DRC3: variants seen among roughly 807,000 people sequenced by gnomAD.
DRC3 encodes dynein regulatory complex subunit 3, also known as leucine rich repeat containing 48.
Under a neutral mutation model 57.6 loss-of-function variants are expected in DRC3, and 45 were observed. That is an observed-to-expected ratio of 0.78 (90% confidence interval 0.62 to 1.00). DRC3 has a LOEUF of 1.00. Ranked by LOEUF, DRC3 falls within the 50% of genes least tolerant of loss-of-function variation. DRC3 has a pLI of 0.00. For missense variants in DRC3, 655 were observed against 675.2 expected (o/e 0.97, Z 0.33); for synonymous variants, 257 against 272.3 (o/e 0.94, Z 0.55).
chr17:18,016,521 CT>C, intron 13 of DRC3, 36 bp from the exon 14 acceptor site: 1 of 1,404,306 alleles, frequency 7.1e-7, no homozygotes, highest in South Asian at 1.2e-5. Flanking sequence ...AACCAATGAT[CT>C]GATGTAAGGA....
At chr17:18,000,223 C>T (rs908841877) in intron 9 of DRC3, among the ~76,000 whole-genome samples, 4 of 128,734 alleles carry the variant, frequency 3.1e-5, no homozygotes, top group Non-Finnish European at 4.8e-5. Flanking sequence ...CATAGCATGC[C>T]GTTCTGTACT....
chr17:17,999,469 A>C (rs999617823), intron 9 of DRC3, among the ~76,000 whole-genome samples: 3 of 152,078 alleles, frequency 2.0e-5, no homozygotes, highest in African/African-American at 7.2e-5. Context: ...AAGACCCCAT[A>C]GGCCCTGCAG....
chr17:18,000,258 G>C (rs923460895), intron 9 of DRC3, among the ~76,000 whole-genome samples: 1 of 150,358 alleles, frequency 6.7e-6, no homozygotes, highest in Non-Finnish European at 1.5e-5. Context: ...GTGTGTGTGT[G>C]TGTGTGTGTG....
Position 18,006,233 on chromosome 17 carries a change from T to C in DRC3, c.1182T>C (p.Phe394=). Reference sequence around the variant, plus strand: ...ACATTGTTGACATGGTAGGACTGTTTATCGAAAATGTCCAAAGCCTATATC... The same window carrying C: ...ACATTGTTGACATGGTAGGACTGTTCATCGAAAATGTCCAAAGCCTATATC... ...ERNIVDMVGL[F]IENVQSLMAQ... Residue 394 remains phenylalanine (F), a synonymous_variant, in exon 11 of 14, where the codon TTT becomes TTC. Coordinates refer to ENST00000399187, the MANE Select transcript of DRC3 (RefSeq NM_031294.4). 3.1e-6 allele frequency: 5 copies of C among 1,612,110 alleles called. No individual in the cohort carries two copies. Among genetic ancestry groups the C allele is most frequent in the Non-Finnish European group, 4.2e-6 (5 of 1,178,670 alleles).
In DRC3 at chr17:17,988,810, G is replaced by A. The variant is rs560541438; in HGVS notation, c.444+712G>A. ...GGTGAGTGACCTGGGAGGGTCAAGC[G>A]CTGAGTTGTGACTGGTATGTAAGTC... On this transcript the variant is annotated intron_variant, in intron 5 of 13. Coordinates refer to ENST00000399187, the MANE Select transcript of DRC3 (RefSeq NM_031294.4). Among the ~76,000 whole-genome samples, 10 of 152,258 alleles carry A rather than the reference G, an allele frequency of 6.6e-5. 1 individual carries two copies. Among genetic ancestry groups the A allele is most frequent in the South Asian group, 2.1e-4 (1 of 4,822 alleles).
At chr17:18,002,521 T>C (rs939135449) in intron 9 of DRC3, among the ~76,000 whole-genome samples, 2 of 152,296 alleles carry the variant, frequency 1.3e-5, no homozygotes, top group East Asian at 1.9e-4. Context: ...TCAGCATCTA[T>C]TTAGCAGTAG....
chr17:18,013,932 A>AT lies in DRC3; in HGVS notation c.1327-2115dup, dbSNP rs35745875. 5.1e-3 allele frequency among the ~76,000 whole-genome samples: 697 copies of AT among 135,944 alleles called. 2 individuals carry two copies. The highest frequency in any genetic ancestry group is 0.022 in the Middle Eastern group (6 of 276). The allele number at this position is 135,944 out of a possible 152,430, so 89.2% of individuals were successfully genotyped here. On this transcript the variant is annotated intron_variant, in intron 12 of 13. Coordinates refer to ENST00000399187, the MANE Select transcript of DRC3 (RefSeq NM_031294.4). ...TTATTTGTCAATTTTTTTAATGCCA[A>AT]TTTTTTTTTTTTTTTTTGAGGTGGA...
Position 18,007,167 on chromosome 17 carries a change from C to T in DRC3, c.1326+20C>T, listed in dbSNP as rs1016015324. ...CGCGCGGTAGGCGGGGCGGGCTGCTCGGAGCCTGACAGATGTGGTCCAGCC... is the reference window on the plus strand; with the variant it reads ...CGCGCGGTAGGCGGGGCGGGCTGCTTGGAGCCTGACAGATGTGGTCCAGCC... On this transcript the variant is annotated intron_variant, in intron 12 of 13. Coordinates refer to ENST00000399187, the MANE Select transcript of DRC3 (RefSeq NM_031294.4). 1.1e-5 allele frequency: 13 copies of T among 1,136,530 alleles called. No individual in the cohort carries two copies. In the Admixed American group the frequency reaches 1.8e-4, roughly 16 times the overall value. 70.4% of individuals were successfully genotyped at this position (1,136,530 alleles called of 1,614,324 possible).
Position 17,995,110 on chromosome 17 carries a change from A to G in DRC3, c.823A>G (p.Thr275Ala). ...GCCTGGTGTCGGTGAGCTCCTTGAG[A>G]CATATCCTTCTGAGTTCATGGCTGT... is the stretch of plus-strand genomic sequence containing the variant. ...YLPGVGELLE[T>A]YKDKFVIICV... Residue 275 changes from threonine to alanine, a missense_variant and splice_region_variant, in exon 8 of 14, where the codon ACC becomes GCC. Coordinates refer to ENST00000399187, the MANE Select transcript of DRC3 (RefSeq NM_031294.4). 6.2e-7 allele frequency: 1 copy of G among 1,610,706 alleles called. No homozygotes were observed. The highest frequency in any genetic ancestry group is 8.5e-7 in the Non-Finnish European group (1 of 1,177,000).
chr17:17,982,580 C>CTTT (rs200264642), intron 3 of DRC3, among the ~76,000 whole-genome samples: 4 of 133,662 alleles, frequency 3.0e-5, no homozygotes, highest in Non-Finnish European at 3.2e-5. Context: ...TGAGCATATT[C>CTTT]TTTTTTTTTT....
In DRC3 at chr17:17,994,955, C is replaced by A. The variant is rs370492272; in HGVS notation, c.712-44C>A. The A allele has an allele frequency of 3.7e-5, 52 of 1,404,482 alleles. No homozygotes were observed. The African/African-American group carries it at 6.3e-4, about 17-fold the overall frequency. 87.0% of individuals were successfully genotyped at this position (1,404,482 alleles called of 1,614,324 possible). ...ATGGGCCTGTGAGATGATGCAGGGG[C>A]CCCTGACAGGAGCCGTCCTACCTAC... On this transcript the variant is annotated intron_variant, in intron 7 of 13. Transcript: ENST00000399187.
At chr17:18,013,952 G>T (rs1318777770) in intron 12 of DRC3, among the ~76,000 whole-genome samples, 32 of 145,276 alleles carry the variant, frequency 2.2e-4, no homozygotes, top group African/African-American at 7.8e-4. Context: ...TTTTTTTTGA[G>T]GTGGAGTTTC....
intron 2 of DRC3, 128 bp from the exon 3 acceptor site, chr17:17,977,454 G>C: frequency 8.9e-7 from 1 of 1,117,352 alleles, no homozygotes; most frequent in East Asian, 2.5e-5. Flanking sequence ...AGCAGACCCA[G>C]GGCTGGGCGT....
rs761072355 is a variant in DRC3 at position 17,992,992 on chromosome 17, A to G, written c.591+81A>G. 8.7e-6 allele frequency: 13 copies of G among 1,495,110 alleles called. No homozygotes were observed. In the South Asian group the frequency reaches 1.4e-4, roughly 16 times the overall value. The allele number at this position is 1,495,110 out of a possible 1,614,324, so 92.6% of individuals were successfully genotyped here. A position where few individuals can be genotyped will look rare whatever the true frequency, so the allele number is the denominator to read the frequency against. On this transcript the variant is annotated intron_variant, in intron 6 of 13. Coordinates refer to ENST00000399187, the MANE Select transcript of DRC3 (RefSeq NM_031294.4). ...AGGTTTCTTGGAAAAGGGGCATTGA[A>G]GAGTAGCTTCCCCTGCCCACAACTA...
chr17:18,007,492 G>T (rs1402364082), intron 12 of DRC3: 17 of 1,550,670 alleles, frequency 1.1e-5, no homozygotes, highest in Non-Finnish European at 1.5e-5. Flanking sequence ...TTCCCCTGGA[G>T]GTCTTCTTAA....
chr17:17,997,534 C>T lies in DRC3; in HGVS notation c.899C>T (p.Thr300Ile), dbSNP rs768665791. Residue 300 changes from threonine (T) to isoleucine (I), a missense_variant, in exon 9 of 14, where the codon ACA becomes ATA. Thr to Ile is a moderately conservative substitution (Grantham distance 89, BLOSUM62 -1). Transcript: ENST00000399187. ...YGLKQQEKRK[T>I]ELDTFSECVR... ...CTGAAACAGCAGGAGAAGCGGAAAACAGAGCTTGACACCTTCAGTGAATGT... is the reference window on the plus strand; with the variant it reads ...CTGAAACAGCAGGAGAAGCGGAAAATAGAGCTTGACACCTTCAGTGAATGT... 1.9e-6 allele frequency: 3 copies of T among 1,611,138 alleles called. No individual in the cohort carries two copies. The South Asian group carries it at 3.3e-5, about 18-fold the overall frequency.
At chr17:17,979,252 G>T (rs886157972) in intron 3 of DRC3, among the ~76,000 whole-genome samples, 1 of 152,218 alleles carries the variant, frequency 6.6e-6, no homozygotes, top group South Asian at 2.1e-4. Flanking sequence ...ACAGGTCGGG[G>T]AGGTCATGGT....
chr17:17,978,469 A>AC (rs1212483659), intron 3 of DRC3, among the ~76,000 whole-genome samples: 3 of 151,526 alleles, frequency 2.0e-5, no homozygotes, highest in East Asian at 1.9e-4. Flanking sequence ...GGATCCTGAG[A>AC]CCCCCCTTTG....
intron 9 of DRC3, among the ~76,000 whole-genome samples, chr17:17,998,810 C>T (rs1247552469): frequency 2.6e-4 from 40 of 152,210 alleles, no homozygotes; most frequent in Admixed American, 2.6e-3. Context: ...AAGTTCAAAA[C>T]TGTCAGCAGA....
Sources: gnomAD v4.1 joint callset for allele counts (sites outside exome capture counted in the v4.1 genomes callset) on GRCh38, gnomAD v4.1.1 for gene constraint, MANE v1.5 for transcripts, NCBI Gene and HGNC (gene_info 2026-07-23, HGNC 2026-07-21) for gene names.